EXOC6: variants seen among roughly 807,000 people sequenced by gnomAD.
EXOC6 encodes exocyst complex component 6, also known as SEC15-like 1.
EXOC6 carries 60 observed loss-of-function variants against 112.5 expected under a neutral mutation model. That is an observed-to-expected ratio of 0.53 (90% CI 0.43 to 0.66). EXOC6 has a LOEUF of 0.66. Among genes scored for constraint, EXOC6 ranks in the 30% least tolerant of loss-of-function variants. The pLI, the probability that EXOC6 is intolerant of heterozygous loss-of-function variation, is 0.00. For missense variants in EXOC6, 855 were observed against 957.1 expected (o/e 0.89, Z 1.41); for synonymous variants, 295 against 308.0 (o/e 0.96, Z 0.44).
chr10:92,850,840 C>T (rs1272504206), intron 1 of EXOC6, among the ~76,000 whole-genome samples: 2 of 151,886 alleles, frequency 1.3e-5, no homozygotes, highest in African/African-American at 2.4e-5. Flanking sequence ...TTTTTCTCAG[C>T]GGCGGGATTT....
intron 2 of EXOC6, among the ~76,000 whole-genome samples, chr10:92,894,255 C>T (rs1405361942): frequency 6.6e-6 from 1 of 152,116 alleles, no homozygotes; most frequent in African/African-American, 2.4e-5. Flanking sequence ...TGCTTCCTTA[C>T]TATGATGACC....
chr10:92,922,315 A>C (rs76228136), intron 8 of EXOC6, among the ~76,000 whole-genome samples: 2,287 of 152,304 alleles, frequency 0.015, 54 homozygotes, highest in African/African-American at 0.052. Context: ...ATTTCCCAGC[A>C]TTATAGCATT....
intron 1 of EXOC6, chr10:92,878,345 G>A (rs548934114): frequency 6.6e-6 from 1 of 152,220 alleles, no homozygotes; most frequent in East Asian, 1.9e-4. Context: ...GGCACATGAA[G>A]GTCCAAGACA....
At chr10:92,894,284 G>A (rs1849647016) in intron 2 of EXOC6, among the ~76,000 whole-genome samples, 1 of 152,134 alleles carries the variant, frequency 6.6e-6, no homozygotes. Flanking sequence ...CACTTAATAT[G>A]TGGGAAAATT....
chr10:93,033,107 A>C (rs1486113654), intron 20 of EXOC6, among the ~76,000 whole-genome samples: 1 of 152,206 alleles, frequency 6.6e-6, no homozygotes, highest in African/African-American at 2.4e-5. Flanking sequence ...TTTGGATCAT[A>C]GGTATGATGG....
rs895998037 is a variant in EXOC6, at chr10:92,992,073, T to G, written c.1954-5401T>G. Among the ~76,000 whole-genome samples, 6 of 152,150 alleles carry G rather than the reference T, an allele frequency of 3.9e-5. No homozygotes were observed. In the East Asian group the frequency reaches 7.7e-4, roughly 20 times the overall value. On this transcript the variant is annotated intron_variant, in intron 18 of 21. Transcript: ENST00000260762. ...TTTGTCTTCAGGTGGGCCGATCCCC[T>G]GGGGTCAGGAGTTCAAGACCAGCCT...
At chr10:92,936,968 A>C (rs1426815601) in intron 12 of EXOC6, among the ~76,000 whole-genome samples, 1 of 152,064 alleles carries the variant, frequency 6.6e-6, no homozygotes, top group African/African-American at 2.4e-5. Context: ...ATATCATCCT[A>C]TTCCCCCCTG....
intron 1 of EXOC6, among the ~76,000 whole-genome samples, chr10:92,870,825 T>C (rs757790738): frequency 6.6e-6 from 1 of 152,018 alleles, no homozygotes; most frequent in Non-Finnish European, 1.5e-5. Flanking sequence ...TTCTCCTGCC[T>C]CAGCCTCCTG....
intron 1 of EXOC6, among the ~76,000 whole-genome samples, chr10:92,875,247 C>T (rs1848633430): frequency 6.6e-6 from 1 of 152,060 alleles, no homozygotes; most frequent in Non-Finnish European, 1.5e-5. Context: ...TCTGTCTTTA[C>T]CCGTAATTGA....
At chr10:93,047,917 G>A (rs1032861061) in intron 20 of EXOC6, among the ~76,000 whole-genome samples, 1 of 152,180 alleles carries the variant, frequency 6.6e-6, no homozygotes, top group Non-Finnish European at 1.5e-5. Context: ...CTGCACTCCA[G>A]CCTGGTGGAC....
intron 1 of EXOC6, among the ~76,000 whole-genome samples, chr10:92,876,059 T>C (rs112412259): frequency 0.015 from 2,287 of 152,240 alleles, 53 homozygotes; most frequent in African/African-American, 0.052. Context: ...AATTTAATAT[T>C]GACAATGCCT....
At chr10:92,930,746 A>G (rs537426780) in intron 9 of EXOC6, among the ~76,000 whole-genome samples, 1 of 152,158 alleles carries the variant, frequency 6.6e-6, no homozygotes, top group African/African-American at 2.4e-5. Flanking sequence ...TGTGAGTTAC[A>G]TAAAGCATGA....
chr10:92,920,133 A>G, intron 8 of EXOC6, 83 bp downstream of exon 8: 4 of 778,734 alleles, frequency 5.1e-6, no homozygotes, highest in Non-Finnish European at 7.9e-6. Context: ...AAAATTGATC[A>G]TATGCTGTAA....
At chr10:92,830,213 T>A (rs1846451143), upstream of EXOC6, among the ~76,000 whole-genome samples, 1 of 152,164 alleles carries the variant, frequency 6.6e-6, no homozygotes, top group Non-Finnish European at 1.5e-5. Flanking sequence ...GGGACCCCTT[T>A]CTCGTAACAA....
rs974033142 is a variant in EXOC6, at chr10:92,995,220, T to C, written c.1954-2254T>C. Among the ~76,000 whole-genome samples, 40 of 152,248 alleles carry C rather than the reference T, an allele frequency of 2.6e-4. 1 individual carries two copies. The highest frequency in any genetic ancestry group is 2.3e-3 in the Admixed American group (35 of 15,290). On this transcript the variant is annotated intron_variant, in intron 18 of 21. Transcript: ENST00000260762. ...CTAAATTTGTGTGTGTGTATGTATG[T>C]GTGCATGTGTGTTTTCATTACTTAT...
chr10:92,829,985 GAATCACCCACCCCTTTCCCAGA>G (rs1416646954), upstream of EXOC6, among the ~76,000 whole-genome samples: 2 of 152,128 alleles, frequency 1.3e-5, no homozygotes, highest in African/African-American at 4.8e-5. Context: ...TCAATTCTGG[GAATCACCCACCCCTTTCCCAGA>G]AATCTCATGA....
At chr10:92,974,334 C>A in intron 18 of EXOC6, 102 bp downstream of exon 18, 2 of 593,270 alleles carry the variant, frequency 3.4e-6, no homozygotes, top group Non-Finnish European at 5.4e-6. Flanking sequence ...TCTTGGAGTG[C>A]ATGTTTCTTT....
chr10:92,882,836 G>C (rs938062064), intron 1 of EXOC6, among the ~76,000 whole-genome samples: 50 of 152,134 alleles, frequency 3.3e-4, no homozygotes, highest in African/African-American at 1.0e-3. Flanking sequence ...TGCAGAGGCT[G>C]CTCCACTGAA....
At chr10:92,837,837 G>GGAAAAGCA (rs1355739026) in intron 1 of EXOC6, among the ~76,000 whole-genome samples, 2 of 152,132 alleles carry the variant, frequency 1.3e-5, no homozygotes, top group African/African-American at 4.8e-5. Context: ...ACATTCCCAG[G>GGAAAAGCA]GAAAAGCTTA....
Sources: allele counts gnomAD v4.1 joint callset (sites outside exome capture counted in the v4.1 genomes callset), GRCh38; gene constraint gnomAD v4.1.1; transcripts MANE v1.5; gene names NCBI Gene and HGNC (gene_info 2026-07-23, HGNC 2026-07-21).